Variants in GPHN observed in about 807,000 individuals in gnomAD.
GPHN encodes the protein gephyrin.
A neutral mutation model predicts 95.5 loss-of-function variants in GPHN; 17 were observed. That is an observed-to-expected ratio of 0.18 (90% CI 0.12 to 0.27). The LOEUF is 0.27. Among genes scored for constraint, GPHN ranks in the 10% least tolerant of loss-of-function variants. The pLI, the probability that GPHN is intolerant of heterozygous loss-of-function variation, is 1.00. For missense variants in GPHN, 660 were observed against 978.1 expected, an observed-to-expected ratio of 0.67 and a Z score of 4.34; for synonymous variants, 320 against 322.5, an observed-to-expected ratio of 0.99 and a Z score of 0.08.
At chr14:66,646,922 G>T (rs895098953) in intron 1 of GPHN, among the ~76,000 whole-genome samples, 1 of 151,792 alleles carries the variant, frequency 6.6e-6, no homozygotes, top group East Asian at 1.9e-4. Flanking sequence ...ACAGTGACAC[G>T]GTCTCACTCT....
chr14:67,319,749 GAAAGT>G, the GPHN span, among the ~76,000 whole-genome samples: 4 of 152,220 alleles, frequency 2.6e-5, no homozygotes, highest in Admixed American at 2.6e-4. Flanking sequence ...TGAACTATAG[GAAAGT>G]ATTCCAGCTT....
At chr14:66,683,329 AATATATATATATATATATAT>A (rs59011754) in intron 2 of GPHN, among the ~76,000 whole-genome samples, 9 of 7,922 alleles carry the variant, frequency 1.1e-3, no homozygotes, top group East Asian at 5.7e-3. Flanking sequence ...CCAATGTGGA[AATATATATATATATATATAT>A]ATATATATAT....
chr14:67,418,243 G>A, the GPHN span, among the ~76,000 whole-genome samples: 1 of 152,188 alleles, frequency 6.6e-6, no homozygotes, highest in Non-Finnish European at 1.5e-5. Flanking sequence ...TACACAGCTA[G>A]CATATGGTCG....
chr14:67,360,361 G>A, the GPHN span: 1 of 397,322 alleles, frequency 2.5e-6, no homozygotes, highest in Non-Finnish European at 4.4e-6. Flanking sequence ...GCACGCTGAG[G>A]AGGATCGGCG....
At chr14:67,000,612 G>A (rs1283592942) in intron 9 of GPHN, among the ~76,000 whole-genome samples, 1 of 151,574 alleles carries the variant, frequency 6.6e-6, no homozygotes, top group African/African-American at 2.4e-5. Context: ...GAGATAGTGT[G>A]AAGAAATCTT....
chr14:67,063,782 G>T (rs898589777), intron 11 of GPHN, among the ~76,000 whole-genome samples: 2 of 152,184 alleles, frequency 1.3e-5, no homozygotes, highest in Non-Finnish European at 2.9e-5. Context: ...GGTTGATTTT[G>T]TATCTTGAGA....
chr14:66,686,889 G>C (rs1261820420), intron 2 of GPHN, among the ~76,000 whole-genome samples: 1 of 152,100 alleles, frequency 6.6e-6, no homozygotes, highest in Non-Finnish European at 1.5e-5. Flanking sequence ...CTGTGGGTTT[G>C]TCATAAATAG....
At chr14:66,632,370 T>G (rs1316420116) in intron 1 of GPHN, among the ~76,000 whole-genome samples, 1 of 152,234 alleles carries the variant, frequency 6.6e-6, no homozygotes, top group African/African-American at 2.4e-5. Flanking sequence ...CACATATATT[T>G]GATTTTATTG....
At chr14:67,230,626 A>C in the GPHN span, among the ~76,000 whole-genome samples, 1 of 152,184 alleles carries the variant, frequency 6.6e-6, no homozygotes, top group Non-Finnish European at 1.5e-5. Flanking sequence ...CATGTTCACA[A>C]GACATATATT....
At chr14:66,994,272 G>T (rs1006299485) in intron 9 of GPHN, among the ~76,000 whole-genome samples, 1 of 152,048 alleles carries the variant, frequency 6.6e-6, no homozygotes, top group South Asian at 2.1e-4. Context: ...AGGCTGAAGC[G>T]AGAGAATTGC....
the GPHN span, among the ~76,000 whole-genome samples, chr14:67,539,056 C>A: frequency 6.6e-6 from 1 of 152,142 alleles, no homozygotes; most frequent in Non-Finnish European, 1.5e-5. Flanking sequence ...TTGCCCCTTG[C>A]TTTTATGCTT....
chr14:66,739,701 C>T (rs1402633001), intron 2 of GPHN, among the ~76,000 whole-genome samples: 1 of 151,946 alleles, frequency 6.6e-6, no homozygotes, highest in Non-Finnish European at 1.5e-5. Context: ...CATTATTTAC[C>T]ACTGAACACG....
chr14:66,706,744 C>A (rs1296838871), intron 2 of GPHN, among the ~76,000 whole-genome samples: 2 of 152,108 alleles, frequency 1.3e-5, no homozygotes, highest in African/African-American at 4.8e-5. Context: ...ATTCAGGACA[C>A]AGGCATGGGC....
At chr14:66,905,401 A>G (rs2065331527) in intron 5 of GPHN, among the ~76,000 whole-genome samples, 1 of 151,906 alleles carries the variant, frequency 6.6e-6, no homozygotes, top group Non-Finnish European at 1.5e-5. Context: ...GAGCTCACAT[A>G]TTGCTGTTTC....
intron 1 of GPHN, among the ~76,000 whole-genome samples, chr14:66,612,330 T>C (rs1283584922): frequency 2.6e-5 from 4 of 151,976 alleles, no homozygotes; most frequent in Admixed American, 2.6e-4. Context: ...TCCTATCCAG[T>C]TATTGTTCTT....
chr14:67,320,015 C>G, the GPHN span, among the ~76,000 whole-genome samples: 3 of 152,112 alleles, frequency 2.0e-5, no homozygotes, highest in African/African-American at 4.8e-5. Flanking sequence ...ATTAGACATT[C>G]AAGCATGAAT....
the GPHN span, among the ~76,000 whole-genome samples, chr14:67,520,703 T>A: frequency 6.6e-6 from 1 of 152,180 alleles, no homozygotes; most frequent in Non-Finnish European, 1.5e-5. Flanking sequence ...CCACAGTTTA[T>A]TTACCCATCA....
chr14:66,828,475 T>C (rs2061461047), intron 4 of GPHN, among the ~76,000 whole-genome samples: 1 of 152,114 alleles, frequency 6.6e-6, no homozygotes, highest in African/African-American at 2.4e-5. Context: ...TACATCAGGA[T>C]TGCCAATATT....
chr14:66,806,391 C>A (rs184420663), intron 3 of GPHN, among the ~76,000 whole-genome samples: 139 of 152,330 alleles, frequency 9.1e-4, no homozygotes, highest in Non-Finnish European at 1.4e-3. Context: ...GATTAACATT[C>A]GGCTCCTTGT....
Sources: allele counts gnomAD v4.1 joint callset (sites outside exome capture counted in the v4.1 genomes callset), GRCh38; gene constraint gnomAD v4.1.1; transcripts MANE v1.5; gene names NCBI Gene and HGNC (gene_info 2026-07-23, HGNC 2026-07-21).